The following LYST variants were observed in gnomAD, a reference collection of about 807,000 sequenced individuals.
LYST encodes lysosomal-trafficking regulator.
A neutral mutation model predicts 413.6 loss-of-function variants in LYST; 192 were observed. The observed-to-expected ratio is 0.46, with a 90% CI of 0.41 to 0.52. LYST has a LOEUF of 0.52. Among genes scored for constraint, LYST ranks in the 20% least tolerant of loss-of-function variants. The pLI, the probability that LYST is intolerant of heterozygous loss-of-function variation, is 0.00. For missense variants in LYST, 3,815 were observed against 4,499.9 expected (o/e 0.85, Z 4.35); for synonymous variants, 1,525 against 1,567.3 (o/e 0.97, Z 0.64).
At chr1:235,769,195 G>A (rs1379486946) in intron 20 of LYST, among the ~76,000 whole-genome samples, 1 of 152,022 alleles carries the variant, frequency 6.6e-6, no homozygotes, top group Non-Finnish European at 1.5e-5. Flanking sequence ...AAGTTGCCAC[G>A]TGGAGGATAA....
At chr1:235,756,713 A>T (rs567107746) in intron 24 of LYST, among the ~76,000 whole-genome samples, 1 of 152,302 alleles carries the variant, frequency 6.6e-6, no homozygotes, top group Non-Finnish European at 1.5e-5. Flanking sequence ...CATGGAGCTT[A>T]TATTTGTGAG....
chr1:235,742,572 A>T (rs1456795630), intron 30 of LYST, among the ~76,000 whole-genome samples: 1 of 147,940 alleles, frequency 6.8e-6, no homozygotes, highest in African/African-American at 2.5e-5. Flanking sequence ...ATTTTATGTT[A>T]TATATATATA....
At chr1:235,696,820 G>A (rs1661143010) in intron 46 of LYST, among the ~76,000 whole-genome samples, 2 of 152,178 alleles carry the variant, frequency 1.3e-5, no homozygotes, top group South Asian at 4.1e-4. Flanking sequence ...GTACATTTCT[G>A]CCAAATCGAT....
At chr1:235,806,910 G>T in intron 5 of LYST, 138 bp from the exon 6 acceptor site, 1 of 664,660 alleles carries the variant, frequency 1.5e-6, no homozygotes, top group Non-Finnish European at 2.6e-6. Flanking sequence ...CAATTATCAG[G>T]CTAAAGTTCT....
Position 235,777,373 on chromosome 1 carries a change from A to G in LYST, c.5215-65T>C, listed in dbSNP as rs933992948. On this transcript the variant is annotated intron_variant, in intron 16 of 52. Transcript: ENST00000389793. ...TTAAAATGCAAGCTATGAACTAGCAAGTAAGTATTTCAAAGTGAAAACACA... is the reference window on the plus strand; with the variant it reads ...TTAAAATGCAAGCTATGAACTAGCAGGTAAGTATTTCAAAGTGAAAACACA... 45 of 1,419,796 alleles carry G rather than the reference A, an allele frequency of 3.2e-5. No homozygotes were observed. In the African/African-American group the frequency reaches 5.5e-4, roughly 17 times the overall value. The allele number at this position is 1,419,796 out of a possible 1,614,324, so 87.9% of individuals were successfully genotyped here.
chr1:235,774,492 C>T (rs1025344036), intron 18 of LYST, among the ~76,000 whole-genome samples: 2 of 152,038 alleles, frequency 1.3e-5, no homozygotes, highest in African/African-American at 4.8e-5. Context: ...TAAAAATGAG[C>T]ACGAATATCT....
intron 42 of LYST, 43 bp downstream of exon 42, chr1:235,715,158 T>A: frequency 6.7e-7 from 1 of 1,496,028 alleles, no homozygotes; most frequent in Non-Finnish European, 9.3e-7. Flanking sequence ...TTGTTGTTTC[T>A]GATGACCCAA....
At chr1:235,711,221 G>A (rs1308903660) in intron 43 of LYST, among the ~76,000 whole-genome samples, 1 of 152,184 alleles carries the variant, frequency 6.6e-6, no homozygotes, top group East Asian at 1.9e-4. Context: ...AAAACAAGGA[G>A]TAGATTTAAA....
At chr1:235,704,024 G>A (rs1661759165) in intron 44 of LYST, among the ~76,000 whole-genome samples, 1 of 152,134 alleles carries the variant, frequency 6.6e-6, no homozygotes, top group Non-Finnish European at 1.5e-5. Context: ...TTCTGTTCCT[G>A]CATTAGTTTG....
chr1:235,829,497 C>T (rs1222265950), intron 3 of LYST: 2 of 151,986 alleles, frequency 1.3e-5, no homozygotes, highest in Non-Finnish European at 2.9e-5. Context: ...TTAATTAGTT[C>T]CCTGAAAGCA....
At chr1:235,804,716 T>A in intron 6 of LYST, 51 bp from the exon 7 acceptor site, 1 of 1,063,258 alleles carries the variant, frequency 9.4e-7, no homozygotes, top group Non-Finnish European at 1.4e-6. Context: ...TTTAAAAAAC[T>A]AAATGATGAA....
intron 11 of LYST, among the ~76,000 whole-genome samples, chr1:235,792,641 G>A (rs1199587911): frequency 6.7e-6 from 1 of 149,880 alleles, no homozygotes; most frequent in African/African-American, 2.5e-5. Context: ...GTAATCTTTT[G>A]TGGTTAATTT....
intron 21 of LYST, among the ~76,000 whole-genome samples, chr1:235,764,495 C>CTTTTTTTTTTTT (rs1020736833): frequency 5.1e-5 from 5 of 97,950 alleles, no homozygotes; most frequent in Non-Finnish European, 1.0e-4. Context: ...TTTTTCTTTT[C>CTTTTTTTTTTTT]TTTTTTTTTT....
intron 10 of LYST, among the ~76,000 whole-genome samples, chr1:235,794,526 T>G (rs1210904646): frequency 6.6e-6 from 1 of 152,154 alleles, no homozygotes; most frequent in African/African-American, 2.4e-5. Flanking sequence ...CAGCTGATCC[T>G]CACCAAAAAC....
intron 48 of LYST, among the ~76,000 whole-genome samples, chr1:235,684,725 A>G (rs1660074461): frequency 6.6e-6 from 1 of 151,466 alleles, no homozygotes; most frequent in Non-Finnish European, 1.5e-5. Flanking sequence ...CTCAAGTGAT[A>G]CTCCCACCTC....
chr1:235,801,838 C>T (rs1198628747), intron 8 of LYST, among the ~76,000 whole-genome samples: 6 of 152,100 alleles, frequency 3.9e-5, no homozygotes, highest in African/African-American at 1.2e-4. Context: ...AGTGATTATT[C>T]CCATTCACTA....
intron 1 of LYST, among the ~76,000 whole-genome samples, chr1:235,837,571 G>C (rs960196295): frequency 1.3e-5 from 2 of 150,896 alleles, no homozygotes; most frequent in Non-Finnish European, 2.9e-5. Flanking sequence ...AGGTTGCAGT[G>C]AGCTGAGATT....
At position 235,662,562 on chromosome 1, in the gene LYST, AT is replaced by A; in HGVS notation, c.*377del. The A allele has an allele frequency of 6.8e-6, 2 of 295,938 alleles. No homozygotes were observed. Among genetic ancestry groups the A allele is most frequent in the Non-Finnish European group, 1.3e-5 (2 of 152,198 alleles). 18.3% of individuals were successfully genotyped at this position (295,938 alleles called of 1,614,324 possible). A position where few individuals can be genotyped will look rare whatever the true frequency, so the allele number is the denominator to read the frequency against. On this transcript the variant is annotated 3_prime_UTR_variant, in exon 53 of 53. Transcript: ENST00000389793. ...AAAATATAATTTTAGTGTGTTTTAT[AT>A]AAACAATCAACCAACCAATTTAAAT...
chr1:235,688,987 T>A (rs937093146), intron 47 of LYST, among the ~76,000 whole-genome samples: 4 of 85,206 alleles, frequency 4.7e-5, no homozygotes, highest in Non-Finnish European at 8.3e-5. Flanking sequence ...CCGTCTCAAA[T>A]AATAATAATA....
Sources: gnomAD v4.1 joint callset for allele counts (sites outside exome capture counted in the v4.1 genomes callset) on GRCh38, gnomAD v4.1.1 for gene constraint, MANE v1.5 for transcripts, NCBI Gene and HGNC (gene_info 2026-07-23, HGNC 2026-07-21) for gene names.